The following STAC variants were observed in gnomAD, a reference collection of about 807,000 sequenced individuals.
STAC encodes SH3 and cysteine rich domain, also known as SH3 and cysteine-rich domain-containing protein.
Under a neutral mutation model 48.8 loss-of-function variants are expected in STAC, and 43 were observed. The ratio of observed to expected loss-of-function variants is 0.88; its 90% CI spans 0.69 to 1.14. The LOEUF is 1.14. STAC is among the 50% of genes most tolerant of loss of function. The pLI is 0.00. For missense variants in STAC, 497 were observed against 504.0 expected, an observed-to-expected ratio of 0.99 and a Z score of 0.13; for synonymous variants, 193 against 179.5, an observed-to-expected ratio of 1.07 and a Z score of -0.60.
chr3:36,518,662 G>T (rs987697437), intron 8 of STAC, among the ~76,000 whole-genome samples: 1 of 152,322 alleles, frequency 6.6e-6, no homozygotes, highest in Admixed American at 6.5e-5. Flanking sequence ...AAGTCTGAAT[G>T]AAAGCAAGCA....
At chr3:36,542,024 A>G (rs1699340362) in intron 10 of STAC, among the ~76,000 whole-genome samples, 1 of 151,918 alleles carries the variant, frequency 6.6e-6, no homozygotes, top group Non-Finnish European at 1.5e-5. Flanking sequence ...AATGGGTGGC[A>G]GGAGAAAAAA....
chr3:36,469,757 C>A (rs1697274485), intron 2 of STAC, among the ~76,000 whole-genome samples: 1 of 151,810 alleles, frequency 6.6e-6, no homozygotes, highest in Non-Finnish European at 1.5e-5. Flanking sequence ...AGTCTTTGTT[C>A]ATTTTTTTTT....
At chr3:36,500,828 C>T (rs547752119) in intron 6 of STAC, among the ~76,000 whole-genome samples, 1 of 152,160 alleles carries the variant, frequency 6.6e-6, no homozygotes, top group Non-Finnish European at 1.5e-5. Flanking sequence ...TGGTGGCTCA[C>T]ACCTATAATC....
At chr3:36,515,409 A>G (rs1321069794) in intron 8 of STAC, among the ~76,000 whole-genome samples, 1 of 152,188 alleles carries the variant, frequency 6.6e-6, no homozygotes, top group Admixed American at 6.5e-5. Flanking sequence ...GATGCAAGCT[A>G]CAGTAGGATA....
intron 1 of STAC, among the ~76,000 whole-genome samples, chr3:36,393,800 G>A (rs1226251731): frequency 1.3e-5 from 2 of 151,244 alleles, no homozygotes; most frequent in African/African-American, 4.9e-5. Flanking sequence ...CCAGAGCTGT[G>A]AGAAATAAAT....
chr3:36,467,059 G>A (rs556738277), intron 2 of STAC, among the ~76,000 whole-genome samples: 64 of 152,074 alleles, frequency 4.2e-4, no homozygotes, highest in African/African-American at 1.4e-3. Context: ...ATAAAGTGAT[G>A]CTGGATTTTG....
rs145646370 is a variant in STAC, at chr3:36,440,475, T to C, written c.112-2889T>C. Among the ~76,000 whole-genome samples the C allele has an allele frequency of 2.0e-3, 310 of 152,338 alleles. 1 individual carries two copies. The highest frequency in any genetic ancestry group is 6.4e-3 in the African/African-American group (267 of 41,582). ...TATCCTAGAGTGGCAGGGAATTGAC[T>C]GGACCATGTGTCTCATAATCCTTCA... On this transcript the variant is annotated intron_variant, in intron 1 of 10. Transcript: ENST00000273183.
chr3:36,535,460 G>C (rs2125500077), intron 10 of STAC, among the ~76,000 whole-genome samples: 1 of 152,174 alleles, frequency 6.6e-6, no homozygotes, highest in East Asian at 1.9e-4. Context: ...AATACCTGTT[G>C]TTTCTTTCTC....
intron 1 of STAC, among the ~76,000 whole-genome samples, chr3:36,435,187 CT>C (rs1700802779): frequency 6.6e-6 from 1 of 152,204 alleles, no homozygotes; most frequent in South Asian, 2.1e-4. Context: ...TCACCCTCCC[CT>C]GTCTCTGAAA....
rs538699319 is a variant in STAC, at chr3:36,544,466, G to A, written c.1111-1725G>A. The stretch of plus-strand genomic sequence containing the variant: ...ATTACAGGCATGAGCCACCGCACCC[G>A]GCCAGGTGTCTGCATTTATTTATTT... On this transcript the variant is annotated intron_variant, in intron 10 of 10. Coordinates refer to ENST00000273183, the MANE Select transcript of STAC (RefSeq NM_003149.3). Among the ~76,000 whole-genome samples, 14 of 152,042 alleles carry A rather than the reference G, an allele frequency of 9.2e-5. No homozygotes were observed. The South Asian group carries it at 1.7e-3, about 18-fold the overall frequency.
chr3:36,392,500 C>T (rs1426895963), intron 1 of STAC, among the ~76,000 whole-genome samples: 1 of 151,986 alleles, frequency 6.6e-6, no homozygotes, highest in Non-Finnish European at 1.5e-5. Flanking sequence ...CAATCATGCC[C>T]AGCTAATTTT....
chr3:36,456,999 C>T (rs1204082119), intron 2 of STAC, among the ~76,000 whole-genome samples: 3 of 152,172 alleles, frequency 2.0e-5, no homozygotes, highest in African/African-American at 7.2e-5. Flanking sequence ...CTGCTTTTCT[C>T]AAGAATATTT....
intron 8 of STAC, among the ~76,000 whole-genome samples, chr3:36,506,426 T>C (rs138032180): frequency 1.9e-3 from 286 of 152,220 alleles, no homozygotes; most frequent in African/African-American, 6.5e-3. Context: ...TTTTTGGTTC[T>C]ATATGAACTT....
chr3:36,450,314 A>G (rs1367813969), intron 2 of STAC, among the ~76,000 whole-genome samples: 1 of 152,228 alleles, frequency 6.6e-6, no homozygotes, highest in Non-Finnish European at 1.5e-5. Flanking sequence ...AAATAGAAGA[A>G]CAACATGGAA....
At chr3:36,543,049 T>C (rs76409638) in intron 10 of STAC, among the ~76,000 whole-genome samples, 17,705 of 152,160 alleles carry the variant, frequency 0.12, 1,230 homozygotes, top group Non-Finnish European at 0.15. Context: ...CAGTTTGGAA[T>C]TGAAGGGTTT....
intron 2 of STAC, among the ~76,000 whole-genome samples, chr3:36,456,978 A>G (rs2125680478): frequency 6.6e-6 from 1 of 152,198 alleles, no homozygotes; most frequent in East Asian, 1.9e-4. Flanking sequence ...AAACAAACTG[A>G]CGTCACATTA....
At chr3:36,494,151 C>CAAAAA (rs751587518) in intron 6 of STAC, among the ~76,000 whole-genome samples, 177 of 56,186 alleles carry the variant, frequency 3.2e-3, no homozygotes, top group East Asian at 5.1e-3. Flanking sequence ...GACTCCGTCT[C>CAAAAA]AAAAAAAAAA....
chr3:36,480,975 T>C (rs2125698134), intron 2 of STAC, among the ~76,000 whole-genome samples: 1 of 152,240 alleles, frequency 6.6e-6, no homozygotes, highest in Non-Finnish European at 1.5e-5. Flanking sequence ...ATAAATGATG[T>C]GAAAGATAAC....
At chr3:36,425,151 G>A (rs577505623) in intron 1 of STAC, among the ~76,000 whole-genome samples, 1 of 152,158 alleles carries the variant, frequency 6.6e-6, no homozygotes, top group African/African-American at 2.4e-5. Context: ...TTATGAAGGG[G>A]AAAGAGGTAA....
Sources: gnomAD v4.1 joint callset for allele counts (sites outside exome capture counted in the v4.1 genomes callset) on GRCh38, gnomAD v4.1.1 for gene constraint, MANE v1.5 for transcripts, NCBI Gene and HGNC (gene_info 2026-07-23, HGNC 2026-07-21) for gene names.